The following SYN3 variants were observed in gnomAD, a reference collection of about 807,000 sequenced individuals.
SYN3 encodes synapsin-3.
SYN3 carries 35 observed loss-of-function variants against 65.8 expected under a neutral mutation model. The observed-to-expected ratio is 0.53, with a 90% CI of 0.41 to 0.70. The LOEUF is 0.70. Among genes scored for constraint, SYN3 ranks in the 30% least tolerant of loss-of-function variants. The pLI, the probability that SYN3 is intolerant of heterozygous loss-of-function variation, is 0.00. For missense variants in SYN3, 680 were observed against 749.0 expected, an observed-to-expected ratio of 0.91 and a Z score of 1.08; for synonymous variants, 270 against 292.9, an observed-to-expected ratio of 0.92 and a Z score of 0.80.
intron 6 of SYN3, among the ~76,000 whole-genome samples, chr22:32,698,538 G>A (rs1490639204): frequency 7.2e-5 from 11 of 152,068 alleles, no homozygotes; most frequent in Admixed American, 7.2e-4. Context: ...TTTTTTTGCT[G>A]TTGTTGTTGT....
At chr22:32,728,125 A>T (rs2061221923) in intron 6 of SYN3, among the ~76,000 whole-genome samples, 2 of 152,258 alleles carry the variant, frequency 1.3e-5, no homozygotes, top group South Asian at 4.1e-4. Flanking sequence ...AAAACCCAAA[A>T]CTATAAAAAC....
chr22:32,660,384 CAA>C (rs1008655277), intron 6 of SYN3, among the ~76,000 whole-genome samples: 5 of 152,164 alleles, frequency 3.3e-5, no homozygotes, highest in African/African-American at 1.2e-4. Context: ...CCAGGTGCAG[CAA>C]AGTTGCGAAA....
At chr22:32,664,552 C>G (rs1052709837) in intron 6 of SYN3, among the ~76,000 whole-genome samples, 18 of 145,576 alleles carry the variant, frequency 1.2e-4, no homozygotes, top group Admixed American at 6.2e-4. Context: ...GCACCTGTCA[C>G]TCGAGCAGCA....
At chr22:32,973,532 A>T (rs2052087545) in intron 3 of SYN3, among the ~76,000 whole-genome samples, 1 of 152,186 alleles carries the variant, frequency 6.6e-6, no homozygotes, top group African/African-American at 2.4e-5. Context: ...CCAGCACAGG[A>T]GGCGCCCTAC....
chr22:32,736,073 G>A (rs2061333964), intron 6 of SYN3, among the ~76,000 whole-genome samples: 1 of 152,120 alleles, frequency 6.6e-6, no homozygotes, highest in South Asian at 2.1e-4. Context: ...TTGTGTTTTT[G>A]TTTCTTAATT....
intron 4 of SYN3, among the ~76,000 whole-genome samples, chr22:32,876,676 G>C (rs4605471): frequency 6.6e-6 from 1 of 150,934 alleles, no homozygotes; most frequent in East Asian, 1.9e-4. Flanking sequence ...GAAAAAAATG[G>C]AAAATGAAAC....
At chr22:32,807,403 A>T (rs1403950153) in intron 6 of SYN3, among the ~76,000 whole-genome samples, 3 of 103,536 alleles carry the variant, frequency 2.9e-5, no homozygotes, top group South Asian at 2.8e-4. Flanking sequence ...TAATATATAT[A>T]TATTATATTT....
intron 6 of SYN3, among the ~76,000 whole-genome samples, chr22:32,710,075 GCACA>G (rs55879257): frequency 0.014 from 1,863 of 131,420 alleles, 22 homozygotes; most frequent in Non-Finnish European, 0.02. Context: ...ATATATATAT[GCACA>G]CACACACACA....
At chr22:32,854,924 C>A (rs2048323928) in intron 6 of SYN3, among the ~76,000 whole-genome samples, 1 of 152,150 alleles carries the variant, frequency 6.6e-6, no homozygotes, top group South Asian at 2.1e-4. Flanking sequence ...TCTTGTGGAC[C>A]ACCTACCCCC....
At chr22:32,651,977 A>G (rs2060078122) in intron 6 of SYN3, among the ~76,000 whole-genome samples, 1 of 152,226 alleles carries the variant, frequency 6.6e-6, no homozygotes. Context: ...GCCTCCTGCA[A>G]CAAAGAATTA....
intron 6 of SYN3, among the ~76,000 whole-genome samples, chr22:32,720,867 A>G (rs2061108019): frequency 6.6e-6 from 1 of 152,140 alleles, no homozygotes; most frequent in South Asian, 2.1e-4. Flanking sequence ...GCTCCTCTTA[A>G]CTGCCAGTGG....
intron 4 of SYN3, among the ~76,000 whole-genome samples, chr22:32,893,452 C>T (rs1165751079): frequency 6.6e-6 from 1 of 152,158 alleles, no homozygotes; most frequent in African/African-American, 2.4e-5. Context: ...TCAGTTGACA[C>T]AGTAACAGGG....
intron 12 of SYN3, among the ~76,000 whole-genome samples, chr22:32,524,954 G>A (rs2057950770): frequency 6.6e-6 from 1 of 152,204 alleles, no homozygotes; most frequent in African/African-American, 2.4e-5. Context: ...GGTGGAGCTT[G>A]CGGTCAGCCG....
intron 6 of SYN3, among the ~76,000 whole-genome samples, chr22:32,602,789 C>T (rs753756065): frequency 1.5e-4 from 23 of 151,970 alleles, no homozygotes; most frequent in South Asian, 8.3e-4. Flanking sequence ...ATAGCTGCAC[C>T]GTCTACACAT....
intron 6 of SYN3, among the ~76,000 whole-genome samples, chr22:32,800,256 A>G (rs1347881961): frequency 6.6e-6 from 1 of 152,186 alleles, no homozygotes; most frequent in African/African-American, 2.4e-5. Flanking sequence ...ATGAAGCGGA[A>G]GAGAAAGGGA....
At chr22:32,952,843 A>C (rs1480612504) in intron 3 of SYN3, among the ~76,000 whole-genome samples, 1 of 152,232 alleles carries the variant, frequency 6.6e-6, no homozygotes, top group Non-Finnish European at 1.5e-5. Flanking sequence ...TGTTTTCTGG[A>C]ATCAGAACAA....
rs780050271 is a variant in SYN3 at position 32,513,644 on chromosome 22, G to A, written c.*48C>T. On this transcript the variant is annotated 3_prime_UTR_variant, in exon 14 of 14. Coordinates refer to ENST00000358763, the MANE Select transcript of SYN3 (RefSeq NM_003490.4). ...GGCTGAGAAGGAAGATGAGGCAGGA[G>A]GGGGACGAGTGTAGCAGAGCACTCT... 3.4e-5 allele frequency: 55 copies of A among 1,599,856 alleles called. No individual in the cohort carries two copies. The highest frequency in any genetic ancestry group is 4.4e-5 in the Non-Finnish European group (51 of 1,170,408).
At chr22:32,569,626 G>A (rs2058732813) in intron 7 of SYN3, among the ~76,000 whole-genome samples, 1 of 148,116 alleles carries the variant, frequency 6.8e-6, no homozygotes, top group African/African-American at 2.5e-5. Flanking sequence ...GGTTATTATT[G>A]CATGCATAAG....
At chr22:32,726,632 G>A (rs746533029) in intron 6 of SYN3, among the ~76,000 whole-genome samples, 1 of 152,162 alleles carries the variant, frequency 6.6e-6, no homozygotes, top group Non-Finnish European at 1.5e-5. Flanking sequence ...CTCATGTTTT[G>A]CAAGGGGGAG....
Sources: gnomAD v4.1 joint callset for allele counts (sites outside exome capture counted in the v4.1 genomes callset) on GRCh38, gnomAD v4.1.1 for gene constraint, MANE v1.5 for transcripts, NCBI Gene and HGNC (gene_info 2026-07-23, HGNC 2026-07-21) for gene names.